The following TENM4 variants were observed in gnomAD, a reference collection of about 807,000 sequenced individuals.
TENM4 encodes the protein teneurin-4.
TENM4 carries 82 observed loss-of-function variants against 243.3 expected under a neutral mutation model. The observed-to-expected ratio is 0.34, with a 90% CI of 0.28 to 0.40. TENM4 has a LOEUF of 0.40. TENM4 is among the 10% of genes least tolerant of loss of function. The pLI is 1.00. For synonymous variants in TENM4, 1,412 were observed against 1,456.3 expected (o/e 0.97, Z 0.69); for missense variants, 3,138 against 3,673.3 (o/e 0.85, Z 3.77).
intron 1 of TENM4, among the ~76,000 whole-genome samples, chr11:79,413,647 T>G (rs1858749706): frequency 6.6e-6 from 1 of 152,180 alleles, no homozygotes; most frequent in East Asian, 1.9e-4. Context: ...CCAAATGTAA[T>G]GCATAAATCT....
At chr11:79,021,721 G>A (rs1160367021) in intron 6 of TENM4, 1 of 152,254 alleles carries the variant, frequency 6.6e-6, no homozygotes, top group African/African-American at 2.4e-5. Flanking sequence ...TGCCACAGCT[G>A]CAGGTGAGTA....
chr11:78,740,550 T>C (rs1163875355), intron 19 of TENM4, among the ~76,000 whole-genome samples: 1 of 152,246 alleles, frequency 6.6e-6, no homozygotes, highest in Non-Finnish European at 1.5e-5. Flanking sequence ...TCTCCGCTAA[T>C]GGGGAAGATT....
At chr11:79,146,962 C>T (rs1862405171) in intron 4 of TENM4, among the ~76,000 whole-genome samples, 1 of 152,112 alleles carries the variant, frequency 6.6e-6, no homozygotes, top group Non-Finnish European at 1.5e-5. Flanking sequence ...GTCAAAGATT[C>T]ACACACATAT....
intron 2 of TENM4, among the ~76,000 whole-genome samples, chr11:79,221,360 C>T (rs1367136869): frequency 6.6e-6 from 1 of 151,690 alleles, no homozygotes; most frequent in Admixed American, 6.6e-5. Flanking sequence ...TTTTTTAAGC[C>T]TTTCTAAGGA....
intron 31 of TENM4, among the ~76,000 whole-genome samples, chr11:78,671,308 C>A (rs936994462): frequency 1.3e-5 from 2 of 151,966 alleles, no homozygotes; most frequent in Non-Finnish European, 2.9e-5. Context: ...TTAGTACTAG[C>A]GCAAAATGTC....
At chr11:79,405,208 G>A (rs1429387503) in intron 1 of TENM4, among the ~76,000 whole-genome samples, 1 of 151,934 alleles carries the variant, frequency 6.6e-6, no homozygotes, top group Non-Finnish European at 1.5e-5. Context: ...TATTATGCAG[G>A]TACTATTTCT....
intron 1 of TENM4, among the ~76,000 whole-genome samples, chr11:79,371,933 T>C (rs553990195): frequency 6.6e-6 from 1 of 152,200 alleles, no homozygotes; most frequent in South Asian, 2.1e-4. Flanking sequence ...TGAGCAGAGA[T>C]AAGAGGTAGG....
intron 6 of TENM4, among the ~76,000 whole-genome samples, chr11:78,921,391 C>T (rs1856443794): frequency 6.6e-6 from 1 of 152,238 alleles, no homozygotes; most frequent in African/African-American, 2.4e-5. Context: ...TTGAGAAATA[C>T]AACTCTGTTT....
intron 6 of TENM4, among the ~76,000 whole-genome samples, chr11:79,013,482 AG>A (rs1431413054): frequency 2.0e-5 from 3 of 152,096 alleles, no homozygotes; most frequent in African/African-American, 7.2e-5. Flanking sequence ...GGCAGGCACC[AG>A]GCCCACTGCC....
At chr11:78,966,207 A>G (rs1044218696) in intron 6 of TENM4, among the ~76,000 whole-genome samples, 2 of 151,834 alleles carry the variant, frequency 1.3e-5, no homozygotes, top group Non-Finnish European at 2.9e-5. Flanking sequence ...AAAAAAAAAA[A>G]AAAAGAAAGA....
chr11:78,774,489 A>G (rs1179878671), intron 17 of TENM4, among the ~76,000 whole-genome samples: 1 of 152,142 alleles, frequency 6.6e-6, no homozygotes, highest in African/African-American at 2.4e-5. Flanking sequence ...AGCATATTGT[A>G]CTTCTCTCAA....
Position 78,657,522 on chromosome 11 carries a change from C to T in TENM4, c.*536G>A. 3.6e-6 allele frequency: 1 copy of T among 274,866 alleles called. No homozygotes were observed. The highest frequency in any genetic ancestry group is 6.6e-5 in the East Asian group (1 of 15,134). 17.0% of individuals were successfully genotyped at this position (274,866 alleles called of 1,614,324 possible). Reference sequence around the variant, plus strand: ...GCAGAGAACAAGGTGAGAAGAAATCCACCACTCTTCTGCAGGAGCCCTGCC... The same window carrying T: ...GCAGAGAACAAGGTGAGAAGAAATCTACCACTCTTCTGCAGGAGCCCTGCC... On this transcript the variant is annotated 3_prime_UTR_variant, in exon 34 of 34. Transcript: ENST00000278550.
At position 78,670,101 on chromosome 11, in the gene TENM4, C is replaced by A. The variant is rs1203035878; in HGVS notation, c.6244G>T (p.Asp2082Tyr). The A allele has an allele frequency of 6.2e-7, 1 of 1,613,904 alleles. No individual in the cohort carries two copies. The change falls in exon 32 of 34, where the codon GAC becomes TAC. Residue 2082 changes from aspartate to tyrosine, a missense_variant. Transcript: ENST00000278550. ...TEEGMVNARF[D>Y]YNYDNSFRVT... is the part of the protein sequence containing the mutation. Reference sequence around the variant, plus strand: ...CGGAAGCTGTTGTCATAGTTGTAGTCAAAACGGGCGTTGACCATGCCTTCC... The same window carrying A: ...CGGAAGCTGTTGTCATAGTTGTAGTAAAAACGGGCGTTGACCATGCCTTCC...
At chr11:79,191,615 G>C (rs955593448) in intron 3 of TENM4, 1 of 177,716 alleles carries the variant, frequency 5.6e-6, no homozygotes. Flanking sequence ...GAGCCCCTCT[G>C]CCTGGCTGCC....
chr11:79,134,992 C>T (rs1463827985), intron 4 of TENM4, among the ~76,000 whole-genome samples: 2 of 151,528 alleles, frequency 1.3e-5, no homozygotes, highest in Non-Finnish European at 3.0e-5. Context: ...AGATAAATAG[C>T]TGGGACCTAA....
intron 12 of TENM4, among the ~76,000 whole-genome samples, chr11:78,822,681 T>A (rs1376871069): frequency 6.6e-6 from 1 of 152,142 alleles, no homozygotes; most frequent in Non-Finnish European, 1.5e-5. Context: ...CACGTTTACC[T>A]ATGTAACAAA....
At chr11:78,711,062 G>A (rs1191484247) in intron 26 of TENM4, among the ~76,000 whole-genome samples, 1 of 152,196 alleles carries the variant, frequency 6.6e-6, no homozygotes, top group African/African-American at 2.4e-5. Flanking sequence ...CCAGCCAGTA[G>A]CAGAGGAAAA....
intron 6 of TENM4, among the ~76,000 whole-genome samples, chr11:78,966,193 T>TAAAAAAAAA (rs34603312): frequency 5.3e-5 from 7 of 131,600 alleles, no homozygotes; most frequent in South Asian, 2.5e-4. Context: ...AAAGGAAAAT[T>TAAAAAAAAA]AAAAAAAAAA....
intron 1 of TENM4, among the ~76,000 whole-genome samples, chr11:79,365,355 A>G (rs753573608): frequency 7.2e-5 from 11 of 152,124 alleles, no homozygotes; most frequent in Non-Finnish European, 1.5e-4. Context: ...AAAAAATCAG[A>G]CAGCCGAAAA....
Sources: allele counts gnomAD v4.1 joint callset (sites outside exome capture counted in the v4.1 genomes callset), GRCh38; gene constraint gnomAD v4.1.1; transcripts MANE v1.5; gene names NCBI Gene and HGNC (gene_info 2026-07-23, HGNC 2026-07-21).